The following SAMD3 variants were observed in gnomAD, a reference collection of about 807,000 sequenced individuals.
The protein encoded by SAMD3 is sterile alpha motif domain-containing protein 3.
In SAMD3, 63 loss-of-function variants were observed where a neutral mutation model predicts 58.5. That is an observed-to-expected ratio of 1.08 (90% CI 0.88 to 1.33). The LOEUF is 1.33. SAMD3 is among the 40% of genes most tolerant of loss of function. The pLI, the probability that SAMD3 is intolerant of heterozygous loss-of-function variation, is 0.00. For synonymous variants in SAMD3, 220 were observed against 210.3 expected (o/e 1.05, Z -0.40); for missense variants, 604 against 608.4 (o/e 0.99, Z 0.08).
intron 1 of SAMD3, among the ~76,000 whole-genome samples, chr6:130,359,053 C>T (rs774965508): frequency 6.6e-6 from 1 of 152,068 alleles, no homozygotes; most frequent in East Asian, 1.9e-4. Flanking sequence ...GGATAAACTA[C>T]TTAATCTCCC....
intron 2 of SAMD3, among the ~76,000 whole-genome samples, chr6:130,294,772 C>T (rs1432158477): frequency 6.6e-6 from 1 of 151,734 alleles, no homozygotes; most frequent in Non-Finnish European, 1.5e-5. Flanking sequence ...GGTCAGTTTG[C>T]CCTTCAGTAT....
intron 1 of SAMD3, among the ~76,000 whole-genome samples, chr6:130,319,524 C>A (rs1776510987): frequency 1.3e-5 from 2 of 152,090 alleles, no homozygotes; most frequent in African/African-American, 4.8e-5. Flanking sequence ...ACAAAACTTT[C>A]AGCCTGTAAT....
At chr6:130,166,373 A>G (rs1790739339) in intron 8 of SAMD3, among the ~76,000 whole-genome samples, 1 of 152,256 alleles carries the variant, frequency 6.6e-6, no homozygotes, top group African/African-American at 2.4e-5. Context: ...ATAGAATGGC[A>G]TAAGAACAGT....
At chr6:130,259,868 G>A (rs954939034) in intron 2 of SAMD3, among the ~76,000 whole-genome samples, 5 of 152,134 alleles carry the variant, frequency 3.3e-5, no homozygotes, top group Non-Finnish European at 7.4e-5. Context: ...TTAATCCACT[G>A]AAATTGTTCA....
intron 1 of SAMD3, among the ~76,000 whole-genome samples, chr6:130,326,948 T>C (rs1014813581): frequency 5.9e-5 from 9 of 152,228 alleles, no homozygotes; most frequent in African/African-American, 1.9e-4. Flanking sequence ...TTGTAATTTA[T>C]TTCAGGTTTT....
chr6:130,185,500 T>A (rs1478447855), intron 5 of SAMD3, among the ~76,000 whole-genome samples: 2 of 151,856 alleles, frequency 1.3e-5, no homozygotes, highest in Non-Finnish European at 2.9e-5. Flanking sequence ...GGCTAATTTT[T>A]TGTATTTTAG....
chr6:130,209,355 C>A (rs148959147), intron 5 of SAMD3, 140 bp downstream of exon 5: 3 of 501,076 alleles, frequency 6.0e-6, no homozygotes, highest in East Asian at 3.2e-5. Flanking sequence ...GTATCTTTAT[C>A]GCTGGATAAA....
chr6:130,326,627 G>T (rs1446719634), intron 1 of SAMD3, among the ~76,000 whole-genome samples: 1 of 152,116 alleles, frequency 6.6e-6, no homozygotes, highest in African/African-American at 2.4e-5. Context: ...TGCACAGAAG[G>T]CAGTCCATAA....
At chr6:130,220,686 T>A (rs1488001199) in intron 1 of SAMD3, among the ~76,000 whole-genome samples, 1 of 152,168 alleles carries the variant, frequency 6.6e-6, no homozygotes, top group African/African-American at 2.4e-5. Context: ...CTAGTTTTCA[T>A]GTGGAAGAAT....
Position 130,145,412 on chromosome 6 carries a change from C to T in SAMD3, c.1206G>A (p.Met402Ile), listed in dbSNP as rs1478971212. ...CTGGGAGGAGTAAACATGTGGCTGT[C>T]ATCTTCATGTCTGTCAAAGCAAATA... ...TDEDMLKYMK[M>I]TATCLLLPDV... is the part of the protein sequence containing the mutation. Residue 402 changes from methionine to isoleucine, a missense_variant, in exon 11 of 12, where the codon ATG (methionine) becomes ATA (isoleucine). By Grantham distance (10) the Met-to-Ile change is conservative. Coordinates refer to ENST00000439090, the MANE Select transcript of SAMD3 (RefSeq NM_001017373.4). 6.2e-7 allele frequency: 1 copy of T among 1,610,124 alleles called. No homozygotes were observed. Among genetic ancestry groups the T allele is most frequent in the Non-Finnish European group, 8.5e-7 (1 of 1,177,238 alleles).
At chr6:130,329,486 C>A (rs552115582) in intron 1 of SAMD3, among the ~76,000 whole-genome samples, 180 of 152,186 alleles carry the variant, frequency 1.2e-3, no homozygotes, top group Middle Eastern at 0.01. Flanking sequence ...ATTATTTCAA[C>A]CATTGTGGAA....
intron 2 of SAMD3, among the ~76,000 whole-genome samples, chr6:130,233,099 C>T (rs1389983174): frequency 6.6e-6 from 1 of 152,148 alleles, no homozygotes; most frequent in Non-Finnish European, 1.5e-5. Flanking sequence ...GGGCTTCCCC[C>T]ACTTCAGGCA....
chr6:130,352,119 C>T (rs571083059), intron 1 of SAMD3, among the ~76,000 whole-genome samples: 3 of 151,836 alleles, frequency 2.0e-5, no homozygotes, highest in Admixed American at 2.0e-4. Context: ...TGTTAAATGA[C>T]GAGTTAATGG....
At position 130,209,526 on chromosome 6, in the gene SAMD3, C is replaced by T; in HGVS notation, c.352G>A (p.Gly118Arg). The part of the protein sequence containing the change: ...SFYPAENLDN[G>R]LIDQRVLKQR... ...TTCAATACTCTTTGGTCAATTAGTCCATTATCAAGGTTTTCAGCTGGATAG... is the reference window on the plus strand; with the variant it reads ...TTCAATACTCTTTGGTCAATTAGTCTATTATCAAGGTTTTCAGCTGGATAG... Residue 118 changes from glycine (G) to arginine (R), a missense_variant, in exon 5 of 12, where the codon GGA (glycine) becomes AGA (arginine). Coordinates refer to ENST00000439090, the MANE Select transcript of SAMD3 (RefSeq NM_001017373.4). 6.2e-7 allele frequency: 1 copy of T among 1,612,842 alleles called. No homozygotes were observed. Among genetic ancestry groups the T allele is most frequent in the Middle Eastern group, 1.7e-4 (1 of 6,048 alleles).
intron 5 of SAMD3, among the ~76,000 whole-genome samples, chr6:130,185,905 A>G (rs1412992897): frequency 6.6e-6 from 1 of 152,168 alleles, no homozygotes; most frequent in African/African-American, 2.4e-5. Context: ...TGTCGGGATT[A>G]CAGGCATGAG....
At chr6:130,142,898 T>C (rs890307909), downstream of SAMD3, 1 of 152,164 alleles carries the variant, frequency 6.6e-6, no homozygotes, top group South Asian at 2.1e-4. Context: ...TTTGGGGAAA[T>C]AAAGGAAAGT....
At chr6:130,223,164 GA>G (rs200459878), upstream of SAMD3, among the ~76,000 whole-genome samples, 16 of 151,834 alleles carry the variant, frequency 1.1e-4, 1 homozygote, top group African/African-American at 3.4e-4. Context: ...ACACTAACTA[GA>G]AAAAAAATTT....
chr6:130,149,797 C>T (rs1455571911), intron 9 of SAMD3, among the ~76,000 whole-genome samples: 2 of 152,168 alleles, frequency 1.3e-5, no homozygotes, highest in Admixed American at 6.5e-5. Flanking sequence ...ATAACCTGTA[C>T]ACCAAACCCC....
intron 2 of SAMD3, among the ~76,000 whole-genome samples, chr6:130,285,326 A>G (rs1388723685): frequency 6.6e-6 from 1 of 152,234 alleles, no homozygotes; most frequent in Non-Finnish European, 1.5e-5. Context: ...AACCCAATTT[A>G]GAACCCTGGG....
Sources: allele counts gnomAD v4.1 joint callset (sites outside exome capture counted in the v4.1 genomes callset), GRCh38; gene constraint gnomAD v4.1.1; transcripts MANE v1.5; gene names NCBI Gene and HGNC (gene_info 2026-07-23, HGNC 2026-07-21).